RBPJ: variants seen among roughly 807,000 people sequenced by gnomAD.
RBPJ encodes recombination signal binding protein for immunoglobulin kappa J region, also known as recombining binding protein suppressor of hairless.
In RBPJ, 9 loss-of-function variants were observed where a neutral mutation model predicts 67.8. The ratio of observed to expected loss-of-function variants is 0.13; its 90% confidence interval spans 0.08 to 0.23. The LOEUF (loss-of-function observed/expected upper bound fraction) is 0.23, where lower values mean the gene tolerates loss of function less well. Ranked by LOEUF, RBPJ falls within the 10% of genes least tolerant of loss-of-function variation. The pLI is 1.00. For missense variants in RBPJ, 305 were observed against 595.6 expected, an observed-to-expected ratio of 0.51 and a Z score of 5.08; for synonymous variants, 198 against 203.3, an observed-to-expected ratio of 0.97 and a Z score of 0.22.
intron 1 of RBPJ, among the ~76,000 whole-genome samples, chr4:26,273,896 G>A (rs1031372199): frequency 1.3e-5 from 2 of 152,134 alleles, no homozygotes; most frequent in Non-Finnish European, 2.9e-5. Flanking sequence ...CTGGGAATCC[G>A]ATTAGGCCCG....
chr4:26,328,807 C>T (rs1299033245), intron 1 of RBPJ, among the ~76,000 whole-genome samples: 2 of 152,008 alleles, frequency 1.3e-5, no homozygotes, highest in African/African-American at 4.8e-5. Context: ...CGCCAGCAAC[C>T]CCAGCTAATT....
the RBPJ span, among the ~76,000 whole-genome samples, chr4:26,146,102 A>G: frequency 6.6e-6 from 1 of 152,120 alleles, no homozygotes; most frequent in African/African-American, 2.4e-5. Context: ...ATGCCCGGCT[A>G]CTTTTTAAAT....
intron 1 of RBPJ, among the ~76,000 whole-genome samples, chr4:26,357,480 T>C (rs1727515039): frequency 6.6e-6 from 1 of 152,196 alleles, no homozygotes; most frequent in African/African-American, 2.4e-5. Flanking sequence ...AGGAAATATT[T>C]AGAAAATTTG....
intron 1 of RBPJ, among the ~76,000 whole-genome samples, chr4:26,344,442 G>GGC (rs1343196676): frequency 4.0e-5 from 6 of 151,518 alleles, no homozygotes; most frequent in Middle Eastern, 3.4e-3. Flanking sequence ...TCACCATGTT[G>GGC]GCCAGGATGG....
Position 26,180,016 on chromosome 4 carries a change from T to C in RBPJ, c.-167+16402T>C, listed in dbSNP as rs73112557. ...CCATAAAAAGAATGAGATCCTATCT[T>C]TTGTGGGAATGTGGATGGAATTGGA... is the stretch of plus-strand genomic sequence containing the variant. On this transcript the variant is annotated intron_variant, in intron 1 of 4. Transcript: ENST00000512351. Among the ~76,000 whole-genome samples, 1,516 of 152,250 alleles carry C rather than the reference T, an allele frequency of 1.0e-2. 27 individuals are homozygous for C. The highest frequency in any genetic ancestry group is 0.034 in the African/African-American group (1,420 of 41,532).
the RBPJ span, among the ~76,000 whole-genome samples, chr4:26,144,323 T>G: frequency 7.5e-6 from 1 of 133,716 alleles, no homozygotes; most frequent in African/African-American, 2.9e-5. Context: ...TGGGCTGGAG[T>G]GCAGTAGTGC....
intron 1 of RBPJ, among the ~76,000 whole-genome samples, chr4:26,330,421 A>G (rs1347314201): frequency 6.6e-6 from 1 of 152,240 alleles, no homozygotes; most frequent in Non-Finnish European, 1.5e-5. Context: ...GACATTCAGC[A>G]TAGATAGGTT....
At chr4:26,318,356 G>A (rs1008801565), upstream of RBPJ, among the ~76,000 whole-genome samples, 4 of 152,206 alleles carry the variant, frequency 2.6e-5, no homozygotes, top group South Asian at 2.1e-4. Context: ...AAGAATTTAC[G>A]TAATCAGGAA....
chr4:26,138,113 T>C, the RBPJ span, among the ~76,000 whole-genome samples: 1 of 152,226 alleles, frequency 6.6e-6, no homozygotes, highest in Admixed American at 6.5e-5. Flanking sequence ...GAGACCACTG[T>C]GTGAGGCCCC....
chr4:26,289,619 G>A (rs1322546376), intron 1 of RBPJ, among the ~76,000 whole-genome samples: 1 of 150,502 alleles, frequency 6.6e-6, no homozygotes, highest in African/African-American at 2.4e-5. Context: ...GAGTTGTGTA[G>A]AGTTAATACC....
In RBPJ at chr4:26,424,918, G is replaced by A; in HGVS notation, c.747+175G>A. Reference sequence around the variant, plus strand: ...GACAGTTATGCTCTACCTTATTTCAGAAATGCTTTAAGGTAATAGCCAGTT... The same window carrying A: ...GACAGTTATGCTCTACCTTATTTCAAAAATGCTTTAAGGTAATAGCCAGTT... On this transcript the variant is annotated intron_variant, in intron 7 of 10. Coordinates refer to ENST00000355476, the MANE Select transcript of RBPJ (RefSeq NM_015874.6). The surrounding 1 kb of genome is among the most constrained non-coding windows in gnomAD (Gnocchi z 5.3). 1 of 495,644 alleles carries A rather than the reference G, an allele frequency of 2.0e-6. No individual in the cohort carries two copies. The highest frequency in any genetic ancestry group is 3.8e-5 in the Admixed American group (1 of 26,396). The allele number at this position is 495,644 out of a possible 1,614,324, so 30.7% of individuals were successfully genotyped here.
chr4:26,327,164 A>T (rs749177121), intron 1 of RBPJ, among the ~76,000 whole-genome samples: 6 of 152,058 alleles, frequency 3.9e-5, no homozygotes, highest in Non-Finnish European at 8.8e-5. Flanking sequence ...GCCTCATTAG[A>T]CCTGCTGCTT....
At chr4:26,335,292 C>T (rs1473652755) in intron 1 of RBPJ, among the ~76,000 whole-genome samples, 1 of 151,976 alleles carries the variant, frequency 6.6e-6, no homozygotes, top group Non-Finnish European at 1.5e-5. Flanking sequence ...AGTGATTCTC[C>T]TGCCTCAGCC....
chr4:26,296,260 G>C (rs1453781636), intron 1 of RBPJ, among the ~76,000 whole-genome samples: 1 of 152,190 alleles, frequency 6.6e-6, no homozygotes, highest in African/African-American at 2.4e-5. Context: ...AAGGCTGTTA[G>C]TCACATCCCT....
At chr4:26,224,662 A>G (rs1246477477) in intron 1 of RBPJ, among the ~76,000 whole-genome samples, 1 of 152,172 alleles carries the variant, frequency 6.6e-6, no homozygotes, top group African/African-American at 2.4e-5. Context: ...CCTGCCCAGA[A>G]CAGAACATTC....
Position 26,165,986 on chromosome 4 carries a change from C to T in RBPJ, c.-167+2372C>T, listed in dbSNP as rs542278888. Among the ~76,000 whole-genome samples, 523 of 151,102 alleles carry T rather than the reference C, an allele frequency of 3.5e-3. 2 individuals are homozygous for T. The highest frequency in any genetic ancestry group is 0.029 in the South Asian group (137 of 4,806). On this transcript the variant is annotated intron_variant, in intron 1 of 4. Coordinates refer to the RBPJ transcript ENST00000512351. ...GCGGTGTTTGGTTTTTTTGTCCTTG[C>T]GATAGTATACTGAGAATGATGATTT... is the stretch of plus-strand genomic sequence containing the variant.
intron 1 of RBPJ, among the ~76,000 whole-genome samples, chr4:26,360,747 A>G (rs1727963844): frequency 1.3e-5 from 2 of 151,500 alleles, no homozygotes; most frequent in Admixed American, 6.6e-5. Context: ...ATGACCAGCT[A>G]ATGTTTGGGT....
chr4:26,368,605 A>G (rs1728853039), intron 1 of RBPJ, among the ~76,000 whole-genome samples: 1 of 152,174 alleles, frequency 6.6e-6, no homozygotes, highest in Admixed American at 6.6e-5. Flanking sequence ...TGTACTTTAG[A>G]AGGAAACTAA....
chr4:26,188,227 A>G (rs1442784924), intron 1 of RBPJ, among the ~76,000 whole-genome samples: 1 of 152,078 alleles, frequency 6.6e-6, no homozygotes, highest in African/African-American at 2.4e-5. Context: ...ACATACACAC[A>G]CACACACGTA....
Sources: allele counts gnomAD v4.1 joint callset (sites outside exome capture counted in the v4.1 genomes callset), GRCh38; gene constraint gnomAD v4.1.1; non-coding constraint Gnocchi (gnomAD v3.1); transcripts MANE v1.5; gene names NCBI Gene and HGNC (gene_info 2026-07-23, HGNC 2026-07-21).